The following CAMSAP2 variants were observed in gnomAD, a reference collection of about 807,000 sequenced individuals.
CAMSAP2 encodes the protein calmodulin-regulated spectrin-associated protein 2.
In CAMSAP2, 26 loss-of-function variants were observed where a neutral mutation model predicts 146.1. The observed-to-expected ratio is 0.18, with a 90% CI of 0.13 to 0.25. The LOEUF is 0.25. CAMSAP2 is among the 10% of genes least tolerant of loss of function. The pLI, the probability that CAMSAP2 is intolerant of heterozygous loss-of-function variation, is 1.00. For synonymous variants in CAMSAP2, 499 were observed against 596.6 expected (o/e 0.84, Z 2.38); for missense variants, 1,381 against 1,759.3 (o/e 0.78, Z 3.85).
intron 1 of CAMSAP2, among the ~76,000 whole-genome samples, chr1:200,753,661 C>T (rs1377374703): frequency 6.6e-6 from 1 of 152,222 alleles, no homozygotes; most frequent in Admixed American, 6.5e-5. Flanking sequence ...TGGAGACCAT[C>T]TCCTAAACCC....
At chr1:200,846,799 A>G (rs12735702) in intron 8 of CAMSAP2, among the ~76,000 whole-genome samples, 11,810 of 152,272 alleles carry the variant, frequency 0.078, 578 homozygotes, top group Admixed American at 0.1. Flanking sequence ...GCTGTTGGAG[A>G]TATACAAACA....
intron 1 of CAMSAP2, among the ~76,000 whole-genome samples, chr1:200,746,016 T>G (rs1035509059): frequency 6.6e-6 from 1 of 152,006 alleles, no homozygotes; most frequent in South Asian, 2.1e-4. Flanking sequence ...GAGTAGATCT[T>G]GTGAGAAGTC....
intron 4 of CAMSAP2, among the ~76,000 whole-genome samples, chr1:200,817,231 T>TATACACAC (rs1359645058): frequency 1.2e-5 from 1 of 81,330 alleles, no homozygotes. Flanking sequence ...TGTGTGTGTA[T>TATACACAC]ATACACACAT....
intron 2 of CAMSAP2, among the ~76,000 whole-genome samples, chr1:200,806,648 C>T (rs537119073): frequency 1.8e-4 from 28 of 151,898 alleles, no homozygotes; most frequent in Non-Finnish European, 3.2e-4. Flanking sequence ...AGGCATTAAA[C>T]TTTTTTGTAG....
chr1:200,832,883 A>T lies in CAMSAP2; in HGVS notation c.927+38A>T, dbSNP rs1012270597. 1 of 1,527,500 alleles carries T rather than the reference A, an allele frequency of 6.5e-7. No individual in the cohort carries two copies. Among genetic ancestry groups the T allele is most frequent in the Non-Finnish European group, 8.8e-7 (1 of 1,134,610 alleles). The allele number at this position is 1,527,500 out of a possible 1,614,324, so 94.6% of individuals were successfully genotyped here. A position where few individuals can be genotyped will look rare whatever the true frequency, so the allele number is the denominator to read the frequency against. ...ATTCTTTTTTTCCCTTTGCTTTGTT[A>T]AAATATGTTTTTTTAAAAAACAAAC... is the stretch of plus-strand genomic sequence containing the variant. On this transcript the variant is annotated intron_variant, in intron 6 of 16. Transcript: ENST00000358823. The surrounding 1 kb of genome is among the most constrained non-coding windows in gnomAD (Gnocchi z 4.2).
intron 2 of CAMSAP2, among the ~76,000 whole-genome samples, chr1:200,767,952 A>G (rs150239955): frequency 6.6e-6 from 1 of 152,314 alleles, no homozygotes; most frequent in East Asian, 1.9e-4. Flanking sequence ...TGGAGCTCCA[A>G]GTTTACTTTC....
intron 2 of CAMSAP2, among the ~76,000 whole-genome samples, chr1:200,777,711 T>G (rs1479353263): frequency 6.6e-6 from 1 of 152,168 alleles, no homozygotes; most frequent in Non-Finnish European, 1.5e-5. Flanking sequence ...AAGGCTAACA[T>G]ATATTCTCTA....
At position 200,848,668 on chromosome 1, in the gene CAMSAP2, T is replaced by A. The variant is rs372288485; in HGVS notation, c.1899T>A (p.Thr633=). ...MDEDSSLRDY[T]VSLDSDMDDA... ...AAGATTCTTCGTTGAGAGATTATAC[T>A]GTAAGCTTGGACTCTGACATGGATG... The change falls in exon 11 of 17, where the codon ACT becomes ACA. Residue 633 remains threonine (T), a synonymous_variant. Coordinates refer to ENST00000358823, the MANE Select transcript of CAMSAP2 (RefSeq NM_203459.4). 31 of 1,614,060 alleles carry A rather than the reference T, an allele frequency of 1.9e-5. 1 individual carries two copies. The highest frequency in any genetic ancestry group is 2.2e-5 in the Non-Finnish European group (26 of 1,180,016).
intron 1 of CAMSAP2, among the ~76,000 whole-genome samples, chr1:200,745,042 G>A (rs985140314): frequency 1.3e-5 from 2 of 151,932 alleles, no homozygotes; most frequent in South Asian, 2.1e-4. Context: ...CATTATTCTT[G>A]TAAGCGTTTT....
At chr1:200,845,812 C>T (rs1667447738) in intron 8 of CAMSAP2, among the ~76,000 whole-genome samples, 1 of 152,094 alleles carries the variant, frequency 6.6e-6, no homozygotes, top group Non-Finnish European at 1.5e-5. Flanking sequence ...ATATTTATTA[C>T]AATATTAAAT....
intron 6 of CAMSAP2, 122 bp from the exon 7 acceptor site, chr1:200,841,872 A>G: frequency 1.4e-6 from 1 of 694,036 alleles, no homozygotes; most frequent in Non-Finnish European, 2.5e-6. Context: ...TTAATAGCCT[A>G]CTATAGTGAA....
chr1:200,791,618 T>A (rs191676044), intron 2 of CAMSAP2, among the ~76,000 whole-genome samples: 1 of 152,154 alleles, frequency 6.6e-6, no homozygotes. Context: ...AACAGGAAAA[T>A]CTGTTATATT....
At chr1:200,747,598 G>T (rs1664371072) in intron 1 of CAMSAP2, among the ~76,000 whole-genome samples, 1 of 152,180 alleles carries the variant, frequency 6.6e-6, no homozygotes, top group African/African-American at 2.4e-5. Flanking sequence ...GTCCTCAAGT[G>T]GGATGGGCTT....
At chr1:200,831,889 G>A (rs1667052470) in intron 4 of CAMSAP2, among the ~76,000 whole-genome samples, 1 of 152,026 alleles carries the variant, frequency 6.6e-6, no homozygotes, top group African/African-American at 2.4e-5. Context: ...GAGCAGAACT[G>A]ATTATTTGGA....
intron 2 of CAMSAP2, among the ~76,000 whole-genome samples, chr1:200,792,317 A>G (rs374751623): frequency 6.6e-6 from 1 of 152,358 alleles, no homozygotes; most frequent in East Asian, 1.9e-4. Context: ...GAAATGAACT[A>G]TTGATACATA....
chr1:200,828,547 C>CT (rs1553290845), intron 4 of CAMSAP2: 1 of 1,549,252 alleles, frequency 6.5e-7, no homozygotes. Context: ...TTGCTTTCCC[C>CT]TTTTTTCCCG....
chr1:200,772,839 T>C (rs1206123989), intron 2 of CAMSAP2, among the ~76,000 whole-genome samples: 2 of 152,230 alleles, frequency 1.3e-5, no homozygotes, highest in East Asian at 3.8e-4. Context: ...GAAGTTTGTC[T>C]AATCTCTATG....
At chr1:200,805,579 T>C (rs1301194044) in intron 2 of CAMSAP2, among the ~76,000 whole-genome samples, 3 of 152,242 alleles carry the variant, frequency 2.0e-5, no homozygotes, top group Admixed American at 1.3e-4. Flanking sequence ...GTACTTTAGA[T>C]AATTTAGAAA....
At chr1:200,821,800 T>C (rs933850826) in intron 4 of CAMSAP2, among the ~76,000 whole-genome samples, 1 of 152,210 alleles carries the variant, frequency 6.6e-6, no homozygotes, top group Non-Finnish European at 1.5e-5. Flanking sequence ...GAACTTGGCA[T>C]TTTAAACATT....
Sources: gnomAD v4.1 joint callset for allele counts (sites outside exome capture counted in the v4.1 genomes callset) on GRCh38, gnomAD v4.1.1 for gene constraint, Gnocchi (gnomAD v3.1) non-coding constraint, MANE v1.5 for transcripts, NCBI Gene and HGNC (gene_info 2026-07-23, HGNC 2026-07-21) for gene names.